DACH2: variants seen among roughly 807,000 people sequenced by gnomAD.
DACH2 encodes the protein dachshund homolog 2.
A neutral mutation model predicts 35.8 loss-of-function variants in DACH2; 17 were observed. That is an observed-to-expected ratio of 0.48 (90% confidence interval 0.33 to 0.71). The LOEUF is 0.71. Among genes scored for constraint, DACH2 ranks in the 30% least tolerant of loss-of-function variants. The probability of loss-of-function intolerance (pLI) is 0.02; values close to 1 mark genes in which losing one functional copy is unlikely to be tolerated. For missense variants in DACH2, 469 were observed against 472.7 expected, an observed-to-expected ratio of 0.99 and a Z score of 0.07; for synonymous variants, 195 against 177.3, an observed-to-expected ratio of 1.10 and a Z score of -0.79.
At chrX:86,564,279 AT>A (rs397896468) in intron 3 of DACH2, among the ~76,000 whole-genome samples, 1 of 111,336 alleles carries the variant, frequency 9.0e-6, no homozygotes, top group Non-Finnish European at 1.9e-5. Flanking sequence ...CTGCAATTAT[AT>A]TTTTTCTCAA....
intron 1 of DACH2, among the ~76,000 whole-genome samples, chrX:86,200,863 G>A (rs1353018645): frequency 9.0e-6 from 1 of 111,238 alleles, no homozygotes; most frequent in Non-Finnish European, 1.9e-5. Flanking sequence ...CAACCATTGT[G>A]GAAAGTAGTG....
intron 3 of DACH2, among the ~76,000 whole-genome samples, chrX:86,533,082 C>T (rs1025987253): frequency 2.9e-5 from 3 of 103,677 alleles, no homozygotes; most frequent in Non-Finnish European, 2.1e-5. Flanking sequence ...CAGAGTCTCA[C>T]TCTGTTGCCC....
In DACH2 at chrX:86,222,383, G is replaced by A. The variant is rs562134987; in HGVS notation, c.488+73275G>A. ...CACATATATTCCAGAAACCATTTTA[G>A]AAATACAGAATCGGCAAGATCTAGC... On this transcript the variant is annotated intron_variant, in intron 1 of 11. Transcript: ENST00000373125. Among the ~76,000 whole-genome samples, 67 of 111,908 alleles carry A rather than the reference G, an allele frequency of 6.0e-4. 1 individual carries two copies. In the Middle Eastern group the frequency reaches 0.018, roughly 31 times the overall value.
chrX:86,248,948 A>G (rs1325907918), intron 1 of DACH2, among the ~76,000 whole-genome samples: 1 of 111,453 alleles, frequency 9.0e-6, no homozygotes, highest in Non-Finnish European at 1.9e-5. Flanking sequence ...AAAAAAAGCA[A>G]TGGGGAAAGA....
At chrX:86,707,929 A>AAAAAAAAAAAAAAAAAAAAAAAAC (rs2041237102) in intron 5 of DACH2, among the ~76,000 whole-genome samples, 3 of 103,087 alleles carry the variant, frequency 2.9e-5, no homozygotes, top group Non-Finnish European at 3.9e-5. Context: ...AAAAAAAAAA[A>AAAAAAAAAAAAAAAAAAAAAAAAC]ATTACACACC....
At chrX:86,755,333 G>T (rs1371485429) in intron 7 of DACH2, among the ~76,000 whole-genome samples, 3 of 111,377 alleles carry the variant, frequency 2.7e-5, no homozygotes, top group African/African-American at 9.8e-5. Flanking sequence ...CTTGCTGGAT[G>T]AATAGTTTGC....
chrX:86,466,945 C>T lies in DACH2; in HGVS notation c.528-47334C>T, dbSNP rs185625804. 4.9e-3 allele frequency among the ~76,000 whole-genome samples: 549 copies of T among 111,451 alleles called. 5 individuals are homozygous for T. Among genetic ancestry groups the T allele is most frequent in the Non-Finnish European group, 8.4e-3 (444 of 53,085 alleles). ...ACCCTGGACCTGGGCAACAAAACCG[C>T]TTTTTCCTCCTAGGCCTCCAAGCCT... On this transcript the variant is annotated intron_variant, in intron 2 of 11. Coordinates refer to ENST00000373125, the MANE Select transcript of DACH2 (RefSeq NM_053281.3).
chrX:86,529,979 A>ACACACACACACG (rs2038693453), intron 3 of DACH2, among the ~76,000 whole-genome samples: 2 of 65,860 alleles, frequency 3.0e-5, no homozygotes, highest in Non-Finnish European at 6.0e-5. Context: ...ACACACACGC[A>ACACACACACACG]CACACACACA....
chrX:86,398,131 C>T (rs1040663331), intron 2 of DACH2, among the ~76,000 whole-genome samples: 12 of 111,659 alleles, frequency 1.1e-4, no homozygotes, highest in African/African-American at 2.3e-4. Context: ...GTGTATGTGT[C>T]GAGGAATTTA....
intron 3 of DACH2, among the ~76,000 whole-genome samples, chrX:86,611,073 A>G (rs914133047): frequency 3.6e-5 from 4 of 111,148 alleles, no homozygotes; most frequent in African/African-American, 1.3e-4. Context: ...CCCTCAGTGT[A>G]CTACCTTGGT....
At chrX:86,279,971 G>A (rs151331909) in intron 1 of DACH2, among the ~76,000 whole-genome samples, 1,405 of 109,789 alleles carry the variant, frequency 0.013, 71 homozygotes, top group Admixed American at 0.12. Flanking sequence ...CCAAACCTAC[G>A]TTTTACTGGT....
At chrX:86,390,128 A>G (rs2036178423) in intron 2 of DACH2, among the ~76,000 whole-genome samples, 1 of 111,742 alleles carries the variant, frequency 8.9e-6, no homozygotes. Flanking sequence ...ACAGGGTGGA[A>G]GCATTGTCGA....
At chrX:86,370,771 G>A (rs2035875821) in intron 1 of DACH2, among the ~76,000 whole-genome samples, 1 of 111,727 alleles carries the variant, frequency 9.0e-6, no homozygotes, top group Non-Finnish European at 1.9e-5. Context: ...ATCAGTTTAT[G>A]TATGTGACTG....
At chrX:86,396,955 C>T (rs1222925468) in intron 2 of DACH2, among the ~76,000 whole-genome samples, 5 of 110,997 alleles carry the variant, frequency 4.5e-5, no homozygotes, top group Non-Finnish European at 9.4e-5. Flanking sequence ...ATGGGGATGG[C>T]ATTGAATCTG....
chrX:86,596,320 A>G (rs372879570), intron 3 of DACH2, among the ~76,000 whole-genome samples: 1 of 111,762 alleles, frequency 8.9e-6, no homozygotes, highest in East Asian at 2.8e-4. Context: ...TTACACAGTA[A>G]TTGCATCATT....
At chrX:86,280,195 G>T (rs1295153985) in intron 1 of DACH2, among the ~76,000 whole-genome samples, 1 of 111,586 alleles carries the variant, frequency 9.0e-6, no homozygotes, top group African/African-American at 3.3e-5. Context: ...GTTAAGGGCA[G>T]CCAGAGAGAA....
intron 2 of DACH2, among the ~76,000 whole-genome samples, chrX:86,458,854 A>T (rs1393205524): frequency 9.0e-6 from 1 of 110,679 alleles, no homozygotes; most frequent in African/African-American, 3.3e-5. Flanking sequence ...GGAATATCAC[A>T]TACTGTGGCC....
intron 1 of DACH2, among the ~76,000 whole-genome samples, chrX:86,275,564 CTCTT>C (rs1382044704): frequency 1.3e-4 from 14 of 111,569 alleles, no homozygotes; most frequent in African/African-American, 3.6e-4. Context: ...TTGAATCACT[CTCTT>C]TAAGTTATTT....
intron 11 of DACH2, 95 bp from the exon 12 acceptor site, chrX:86,832,011 T>A: frequency 1.8e-6 from 1 of 550,148 alleles, no homozygotes; most frequent in East Asian, 3.7e-5. Flanking sequence ...TTACATCAGA[T>A]CATTTTAGGT....
Sources: gnomAD v4.1 joint callset for allele counts (sites outside exome capture counted in the v4.1 genomes callset) on GRCh38, gnomAD v4.1.1 for gene constraint, MANE v1.5 for transcripts, NCBI Gene and HGNC (gene_info 2026-07-23, HGNC 2026-07-21) for gene names.